Variants in EIF3F observed in about 807,000 individuals in gnomAD.
EIF3F encodes the protein eukaryotic translation initiation factor 3 subunit F.
A neutral mutation model predicts 36.0 loss-of-function variants in EIF3F; 8 were observed. That is an observed-to-expected ratio of 0.22 (90% CI 0.13 to 0.40). The LOEUF (loss-of-function observed/expected upper bound fraction) is 0.40. Among genes scored for constraint, EIF3F ranks in the 10% least tolerant of loss-of-function variants. EIF3F has a pLI of 1.00. For synonymous variants in EIF3F, 184 were observed against 188.5 expected (o/e 0.98, Z 0.19); for missense variants, 430 against 467.6 (o/e 0.92, Z 0.74).
chr11:7,992,031 A>G (rs374664670), intron 2 of EIF3F, 53 bp from the exon 3 acceptor site: 88 of 1,592,442 alleles, frequency 5.5e-5, no homozygotes, highest in East Asian at 1.1e-4. Flanking sequence ...TTTTTAACCA[A>G]TTTTTCTTTG....
intron 3 of EIF3F, 52 bp from the exon 4 acceptor site, chr11:7,992,835 G>A: frequency 6.2e-7 from 1 of 1,611,760 alleles, no homozygotes; most frequent in Non-Finnish European, 8.5e-7. Flanking sequence ...TGTTGTGTTT[G>A]ATATTGACGC....
rs375411282 is a variant in EIF3F, at chr11:7,996,041, A to T, written c.*19A>T. 49 of 1,612,494 alleles carry T rather than the reference A, an allele frequency of 3.0e-5. No homozygotes were observed. Among genetic ancestry groups the T allele is most frequent in the Non-Finnish European group, 4.2e-5 (49 of 1,178,508 alleles). On this transcript the variant is annotated 3_prime_UTR_variant, in exon 8 of 8. Transcript: ENST00000651655. ...CCTGTGAATGGACCCCAAGCAGTAC[A>T]CTTGCTGGTCTAGGTATTAACCCCA...
Position 7,987,785 on chromosome 11 carries a change from C to A in EIF3F, c.364+69C>A, listed in dbSNP as rs995696389. 7 of 1,396,872 alleles carry A rather than the reference C, an allele frequency of 5.0e-6. No homozygotes were observed. The African/African-American group carries it at 7.6e-5, about 15-fold the overall frequency. 86.5% of individuals were successfully genotyped at this position (1,396,872 alleles called of 1,614,324 possible). On this transcript the variant is annotated intron_variant, in intron 1 of 7. Coordinates refer to ENST00000651655, the MANE Select transcript of EIF3F (RefSeq NM_003754.3). ...TCTCATTTATCTCACTCCCCTAACTCATTAATTCTTTAATTCCTGGTGTCC... is the reference window on the plus strand; with the variant it reads ...TCTCATTTATCTCACTCCCCTAACTAATTAATTCTTTAATTCCTGGTGTCC...
chr11:8,000,466 C>G lies in EIF3F; in HGVS notation c.*4444C>G, dbSNP rs896589189. ...TTCAGTTAAACAGGAGTAGTACGTT[C>G]CGGAGACCTGTTGTGCAGCAGGGTG... On this transcript the variant is annotated 3_prime_UTR_variant, in exon 8 of 8. Transcript: ENST00000651655. 1 of 152,054 alleles carries G rather than the reference C, an allele frequency of 6.6e-6. No individual in the cohort carries two copies. The highest frequency in any genetic ancestry group is 1.5e-5 in the Non-Finnish European group (1 of 68,034). 9.4% of individuals were successfully genotyped at this position (152,054 alleles called of 1,614,324 possible). A position where few individuals can be genotyped will look rare whatever the true frequency, so the allele number is the denominator to read the frequency against.
intron 5 of EIF3F, 105 bp from the exon 6 acceptor site, chr11:7,994,877 A>C: frequency 6.7e-7 from 1 of 1,502,582 alleles, no homozygotes; most frequent in Non-Finnish European, 9.1e-7. Context: ...GTTGGGAAAC[A>C]GAGTTAGTAG....
At chr11:7,992,656 C>T in intron 3 of EIF3F, 1 of 565,604 alleles carries the variant, frequency 1.8e-6, no homozygotes, top group East Asian at 3.2e-5. Flanking sequence ...TCCTGTGGGG[C>T]CAGGATATTT....
rs1299219781 is a variant in EIF3F at position 7,995,496 on chromosome 11, A to G, written c.996+129A>G. The G allele has an allele frequency of 5.1e-6, 4 of 787,470 alleles. No individual in the cohort carries two copies. The East Asian group carries it at 1.0e-4, about 20-fold the overall frequency. The allele number at this position is 787,470 out of a possible 1,614,324, so 48.8% of individuals were successfully genotyped here. ...GAGACAGGGCTTCACCTATAGCCCC[A>G]CTGAAGTCCAGGTTGGGAGGAAGGA... On this transcript the variant is annotated intron_variant, in intron 7 of 7. Coordinates refer to ENST00000651655, the MANE Select transcript of EIF3F (RefSeq NM_003754.3).
intron 1 of EIF3F, among the ~76,000 whole-genome samples, chr11:7,990,793 G>A (rs1345733515): frequency 1.3e-5 from 2 of 151,978 alleles, no homozygotes; most frequent in Non-Finnish European, 2.9e-5. Context: ...CCTGGGGTAG[G>A]AGGTTCCAAT....
rs765020257 is a variant in EIF3F at position 7,987,575 on chromosome 11, C to A, written c.223C>A (p.Pro75Thr). 14 of 1,597,584 alleles carry A rather than the reference C, an allele frequency of 8.8e-6. No homozygotes were observed. The South Asian group carries it at 1.5e-4, about 17-fold the overall frequency. Residue 75 changes from proline to threonine, a missense_variant, in exon 1 of 8, where the codon CCC (proline) becomes ACC (threonine). This residue lies in a region of EIF3F where 168 missense variants were observed against 120.2 expected (regional missense o/e 1.40). Coordinates refer to ENST00000651655, the MANE Select transcript of EIF3F (RefSeq NM_003754.3). ...SAQAPAQTPA[P>T]ALPGPALPGP... ...GCAAGCTCCAGCGCAGACCCCAGCG[C>A]CCGCTCTGCCTGGTCCTGCTCTTCC...
At position 8,001,466 on chromosome 11, in the gene EIF3F, T is replaced by C. The variant is rs1942220386; in HGVS notation, c.*5444T>C. On this transcript the variant is annotated 3_prime_UTR_variant, in exon 8 of 8. Transcript: ENST00000651655. Reference sequence around the variant, plus strand: ...ATACTTGGTTATCATAGCGTAAAGATGGTAATCAACCCAAATGACTATTAC... The same window carrying C: ...ATACTTGGTTATCATAGCGTAAAGACGGTAATCAACCCAAATGACTATTAC... 1 of 152,186 alleles carries C rather than the reference T, an allele frequency of 6.6e-6. No individual in the cohort carries two copies. The highest frequency in any genetic ancestry group is 6.5e-5 in the Admixed American group (1 of 15,278). The allele number at this position is 152,186 out of a possible 1,614,324, so 9.4% of individuals were successfully genotyped here. A position where few individuals can be genotyped will look rare whatever the true frequency, so the allele number is the denominator to read the frequency against.
rs1327687141 is a variant in EIF3F, at chr11:8,000,837, A to G, written c.*4815A>G. 3 of 152,322 alleles carry G rather than the reference A, an allele frequency of 2.0e-5. No homozygotes were observed. Among genetic ancestry groups the G allele is most frequent in the African/African-American group, 7.2e-5 (3 of 41,574 alleles). The allele number at this position is 152,322 out of a possible 1,614,324, so 9.4% of individuals were successfully genotyped here. On this transcript the variant is annotated 3_prime_UTR_variant, in exon 8 of 8. Transcript: ENST00000651655. ...GAAAAAAAAACCATAAATATGAGGG[A>G]AAAAACACAGCAATGTGTTTTTAAT...
intron 3 of EIF3F, chr11:7,992,545 C>G (rs1942109321): frequency 2.3e-6 from 1 of 428,690 alleles, no homozygotes; most frequent in South Asian, 2.3e-5. Flanking sequence ...CCACTGCATT[C>G]CAGCCTGAGT....
At position 8,000,379 on chromosome 11, in the gene EIF3F, A is replaced by G. The variant is rs1942207287; in HGVS notation, c.*4357A>G. On this transcript the variant is annotated 3_prime_UTR_variant, in exon 8 of 8. Transcript: ENST00000651655. ...TTGAACTCACAAGCAGAGTGTAGAA[A>G]GGTGGTTTCATGGACTGGAGGGAGG... is the stretch of plus-strand genomic sequence containing the variant. The G allele has an allele frequency of 6.6e-6, 1 of 152,120 alleles. No homozygotes were observed. The highest frequency in any genetic ancestry group is 1.9e-4 in the East Asian group (1 of 5,180). The allele number at this position is 152,120 out of a possible 1,614,324, so 9.4% of individuals were successfully genotyped here. A position where few individuals can be genotyped will look rare whatever the true frequency, so the allele number is the denominator to read the frequency against.
intron 1 of EIF3F, among the ~76,000 whole-genome samples, chr11:7,988,418 G>C (rs1184845612): frequency 6.6e-6 from 1 of 152,114 alleles, no homozygotes; most frequent in Non-Finnish European, 1.5e-5. Flanking sequence ...TTATATTTCT[G>C]CCCTTAACCT....
rs1269739637 is a variant in EIF3F, at chr11:8,000,405, G to A, written c.*4383G>A. 2 of 151,972 alleles carry A rather than the reference G, an allele frequency of 1.3e-5. No homozygotes were observed. The highest frequency in any genetic ancestry group is 6.6e-5 in the Admixed American group (1 of 15,256). 9.4% of individuals were successfully genotyped at this position (151,972 alleles called of 1,614,324 possible). ...GGTGGTTTCATGGACTGGAGGGAGG[G>A]GATAAATGGGGAGATGTTGGTCAAG... is the stretch of plus-strand genomic sequence containing the variant. On this transcript the variant is annotated 3_prime_UTR_variant, in exon 8 of 8. Transcript: ENST00000651655.
chr11:7,992,581 AAAC>A (rs1345872553), intron 3 of EIF3F: 1 of 450,892 alleles, frequency 2.2e-6, no homozygotes, highest in Non-Finnish European at 4.0e-6. Flanking sequence ...TGTCTCTAAA[AAAC>A]AAAAGGAAAG....
rs1589909721 is a variant in EIF3F, at chr11:8,001,680, T to A, written c.*5658T>A. ...ATAAATAATATAAATACCTAGAATATTTGTGAAGGTACAGCCAAGAAACTA... is the reference window on the plus strand; with the variant it reads ...ATAAATAATATAAATACCTAGAATAATTGTGAAGGTACAGCCAAGAAACTA... On this transcript the variant is annotated 3_prime_UTR_variant, in exon 8 of 8. Transcript: ENST00000651655. 6.6e-6 allele frequency: 1 copy of A among 152,072 alleles called. No individual in the cohort carries two copies. The highest frequency in any genetic ancestry group is 1.5e-5 in the Non-Finnish European group (1 of 68,034). 9.4% of individuals were successfully genotyped at this position (152,072 alleles called of 1,614,324 possible). A position where few individuals can be genotyped will look rare whatever the true frequency, so the allele number is the denominator to read the frequency against.
intron 7 of EIF3F, 47 bp from the exon 8 acceptor site, chr11:7,995,898 C>G: frequency 6.4e-7 from 1 of 1,565,910 alleles, no homozygotes; most frequent in Non-Finnish European, 8.8e-7. Flanking sequence ...CCTTTTTGCT[C>G]CCTTTCCACC....
At position 7,997,121 on chromosome 11, in the gene EIF3F, G is replaced by A. The variant is rs537290907; in HGVS notation, c.*1099G>A. ...ACTCAGTTCTGAGATATGTACCTCA[G>A]GAAATATAAGTTATGGGAGTCATAA... On this transcript the variant is annotated 3_prime_UTR_variant, in exon 8 of 8. Transcript: ENST00000651655. 27 of 152,280 alleles carry A rather than the reference G, an allele frequency of 1.8e-4. No individual in the cohort carries two copies. The highest frequency in any genetic ancestry group is 6.3e-4 in the African/African-American group (26 of 41,558). 9.4% of individuals were successfully genotyped at this position (152,280 alleles called of 1,614,324 possible).
Sources: gnomAD v4.1 joint callset for allele counts (sites outside exome capture counted in the v4.1 genomes callset) on GRCh38, gnomAD v4.1.1 for gene constraint, gnomAD v4.1.1 regional missense constraint, MANE v1.5 for transcripts, NCBI Gene and HGNC (gene_info 2026-07-23, HGNC 2026-07-21) for gene names.